The following MSRA variants were observed in gnomAD, a reference collection of about 807,000 sequenced individuals.
MSRA encodes the protein methionine sulfoxide reductase A.
Under a neutral mutation model 31.3 loss-of-function variants are expected in MSRA, and 54 were observed. The observed-to-expected ratio is 1.73, with a 90% confidence interval of 1.39 to 2.17. The LOEUF is 2.17. Ranked by LOEUF, MSRA falls within the 30% of genes most tolerant of loss-of-function variation. The pLI is 0.00. For synonymous variants in MSRA, 169 were observed against 116.5 expected (o/e 1.45, Z -2.90); for missense variants, 507 against 300.9 (o/e 1.69, Z -5.07).
rs375322603 is a variant in MSRA, at chr8:10,283,802, CATATAT to C, written c.332-17702_332-17697del. 7.5e-3 allele frequency among the ~76,000 whole-genome samples: 347 copies of C among 46,164 alleles called. 4 individuals are homozygous for C. The highest frequency in any genetic ancestry group is 0.064 in the South Asian group (38 of 590). 30.3% of individuals were successfully genotyped at this position (46,164 alleles called of 152,430 possible). A position where few individuals can be genotyped will look rare whatever the true frequency, so the allele number is the denominator to read the frequency against. ...TTTTTGGTTGAGTAGTATTCTATCT[CATATAT>C]ATATATATATATATATATATATATA... On this transcript the variant is annotated intron_variant, in intron 3 of 5. Transcript: ENST00000317173.
At chr8:10,063,355 A>T (rs4841275) in intron 1 of MSRA, among the ~76,000 whole-genome samples, 2 of 152,044 alleles carry the variant, frequency 1.3e-5, no homozygotes, top group Non-Finnish European at 2.9e-5. Context: ...TCATTCTCTC[A>T]CTGTTTAGGG....
At chr8:10,151,631 C>T (rs1001930297) in intron 1 of MSRA, among the ~76,000 whole-genome samples, 1 of 152,298 alleles carries the variant, frequency 6.6e-6, no homozygotes. Flanking sequence ...GCCTGGGCGA[C>T]AGAGTGAGAC....
intron 5 of MSRA, among the ~76,000 whole-genome samples, chr8:10,390,493 C>T (rs933538617): frequency 1.3e-5 from 2 of 152,166 alleles, no homozygotes; most frequent in East Asian, 1.9e-4. Context: ...CCGCCCACCA[C>T]GGGAAGCCAG....
intron 5 of MSRA, among the ~76,000 whole-genome samples, chr8:10,413,174 G>T (rs960592737): frequency 6.6e-6 from 1 of 152,188 alleles, no homozygotes; most frequent in African/African-American, 2.4e-5. Context: ...CACAAGGGAA[G>T]AGAAGAAGAG....
chr8:10,381,285 C>G (rs1278717713), intron 5 of MSRA, among the ~76,000 whole-genome samples: 1 of 152,158 alleles, frequency 6.6e-6, no homozygotes, highest in Non-Finnish European at 1.5e-5. Flanking sequence ...CCTTTCTTTT[C>G]TCTTTGATCC....
At chr8:10,120,137 C>A (rs1208700288) in intron 1 of MSRA, among the ~76,000 whole-genome samples, 1 of 152,068 alleles carries the variant, frequency 6.6e-6, no homozygotes, top group Non-Finnish European at 1.5e-5. Flanking sequence ...AACCAGAGTT[C>A]AAGGGAGCCC....
intron 1 of MSRA, among the ~76,000 whole-genome samples, chr8:10,122,951 A>G (rs1030694168): frequency 6.6e-6 from 1 of 152,166 alleles, no homozygotes; most frequent in African/African-American, 2.4e-5. Flanking sequence ...CATTAGGTTG[A>G]TTCTACATCT....
intron 1 of MSRA, among the ~76,000 whole-genome samples, chr8:10,147,047 G>T: frequency 6.6e-6 from 1 of 152,148 alleles, no homozygotes. Context: ...CCCTTCCCAG[G>T]TACAGATGAG....
intron 5 of MSRA, among the ~76,000 whole-genome samples, chr8:10,379,204 T>C (rs1273945487): frequency 6.6e-6 from 1 of 152,166 alleles, no homozygotes; most frequent in Non-Finnish European, 1.5e-5. Flanking sequence ...AAGTCACCTG[T>C]CTGCCCAGGG....
chr8:10,078,962 A>G (rs1051848614), intron 1 of MSRA, among the ~76,000 whole-genome samples: 6 of 152,206 alleles, frequency 3.9e-5, no homozygotes, highest in African/African-American at 9.6e-5. Flanking sequence ...CATGTGAGCC[A>G]CACTTAGAAG....
chr8:10,284,117 A>G (rs959041714), intron 3 of MSRA, among the ~76,000 whole-genome samples: 2 of 152,004 alleles, frequency 1.3e-5, no homozygotes, highest in African/African-American at 4.8e-5. Context: ...CATTCCTGCC[A>G]CTGCTTTTCT....
chr8:10,216,151 A>G (rs12234935), intron 2 of MSRA, among the ~76,000 whole-genome samples: 40,517 of 152,104 alleles, frequency 0.27, 5,823 homozygotes, highest in East Asian at 0.45. Context: ...CATTCTCCCC[A>G]GCCATTTATC....
chr8:10,226,783 G>A (rs910668837), intron 2 of MSRA, among the ~76,000 whole-genome samples: 2 of 152,186 alleles, frequency 1.3e-5, no homozygotes, highest in East Asian at 3.9e-4. Context: ...CAGCTGGTGT[G>A]CATATTTGTC....
chr8:10,074,652 C>T (rs191363919), intron 1 of MSRA, among the ~76,000 whole-genome samples: 1 of 152,110 alleles, frequency 6.6e-6, no homozygotes, highest in East Asian at 1.9e-4. Flanking sequence ...ACCCCTTCTT[C>T]TTCTTTTCTT....
At chr8:10,401,406 G>A (rs1807454924) in intron 5 of MSRA, among the ~76,000 whole-genome samples, 1 of 152,178 alleles carries the variant, frequency 6.6e-6, no homozygotes, top group African/African-American at 2.4e-5. Context: ...AAACAAAACA[G>A]AGAATAATAA....
At chr8:10,291,611 A>G (rs1204910863) in intron 3 of MSRA, among the ~76,000 whole-genome samples, 1 of 152,108 alleles carries the variant, frequency 6.6e-6, no homozygotes, top group Non-Finnish European at 1.5e-5. Context: ...GTTAATTAGC[A>G]AGAGAAAAGT....
At chr8:10,175,747 T>C (rs539468404) in intron 1 of MSRA, among the ~76,000 whole-genome samples, 1 of 152,342 alleles carries the variant, frequency 6.6e-6, no homozygotes, top group Admixed American at 6.5e-5. Flanking sequence ...TAGGTAATCA[T>C]TGTCACGGAG....
intron 1 of MSRA, among the ~76,000 whole-genome samples, chr8:10,137,739 G>C (rs1585008716): frequency 6.6e-6 from 1 of 152,108 alleles, no homozygotes; most frequent in East Asian, 1.9e-4. Flanking sequence ...AAGGAGCTTA[G>C]AGCCTGGATG....
At chr8:10,261,603 G>C (rs1798487613) in intron 3 of MSRA, among the ~76,000 whole-genome samples, 1 of 152,086 alleles carries the variant, frequency 6.6e-6, no homozygotes, top group South Asian at 2.1e-4. Flanking sequence ...TAAGCAGGAA[G>C]TACACAGAGT....
Sources: gnomAD v4.1 joint callset for allele counts (sites outside exome capture counted in the v4.1 genomes callset) on GRCh38, gnomAD v4.1.1 for gene constraint, MANE v1.5 for transcripts, NCBI Gene and HGNC (gene_info 2026-07-23, HGNC 2026-07-21) for gene names.